ROBO2: variants seen among roughly 807,000 people sequenced by gnomAD.
ROBO2 encodes roundabout guidance receptor 2.
ROBO2 carries 53 observed loss-of-function variants against 160.8 expected under a neutral mutation model. That is an observed-to-expected ratio of 0.33 (90% confidence interval 0.26 to 0.41). The LOEUF (loss-of-function observed/expected upper bound fraction) is 0.41. ROBO2 is among the 10% of genes least tolerant of loss of function. The pLI, the probability that ROBO2 is intolerant of heterozygous loss-of-function variation, is 1.00. For synonymous variants in ROBO2, 664 were observed against 611.7 expected (o/e 1.09, Z -1.26); for missense variants, 1,577 against 1,722.4 (o/e 0.92, Z 1.49).
intron 2 of ROBO2, among the ~76,000 whole-genome samples, chr3:76,420,886 T>A (rs1454411034): frequency 2.6e-5 from 4 of 152,214 alleles, no homozygotes; most frequent in Non-Finnish European, 5.9e-5. Flanking sequence ...ATCCATGTGC[T>A]TAAATATATA....
chr3:75,934,231 A>T (rs1452137019), intron 1 of ROBO2, among the ~76,000 whole-genome samples: 1 of 152,172 alleles, frequency 6.6e-6, no homozygotes, highest in Non-Finnish European at 1.5e-5. Flanking sequence ...TGCATATCCA[A>T]TCTGTTTTAT....
At chr3:76,017,170 G>A (rs2066428038) in intron 2 of ROBO2, among the ~76,000 whole-genome samples, 1 of 152,066 alleles carries the variant, frequency 6.6e-6, no homozygotes, top group Non-Finnish European at 1.5e-5. Flanking sequence ...ACCTTCCATG[G>A]CAACAGGTGC....
intron 1 of ROBO2, among the ~76,000 whole-genome samples, chr3:75,925,496 G>C (rs1175575313): frequency 6.6e-6 from 1 of 152,116 alleles, no homozygotes; most frequent in Non-Finnish European, 1.5e-5. Flanking sequence ...TGCATGGAAG[G>C]TTGTGTTGAA....
chr3:77,462,277 C>G (rs913226571), intron 2 of ROBO2, among the ~76,000 whole-genome samples: 1 of 152,066 alleles, frequency 6.6e-6, no homozygotes, highest in African/African-American at 2.4e-5. Flanking sequence ...AGGTTGTCAT[C>G]GAATTCGTCT....
At chr3:77,070,407 T>C (rs879732088) in intron 1 of ROBO2, among the ~76,000 whole-genome samples, 6 of 152,012 alleles carry the variant, frequency 3.9e-5, no homozygotes, top group Non-Finnish European at 5.9e-5. Flanking sequence ...ACTGTGTGAG[T>C]GTGTGTGTGT....
rs1032808531 is a variant in ROBO2 at position 77,550,700 on chromosome 3, A to G, written c.1060-118A>G. 4.7e-6 allele frequency: 5 copies of G among 1,053,384 alleles called. No individual in the cohort carries two copies. The African/African-American group carries it at 8.0e-5, about 17-fold the overall frequency. The allele number at this position is 1,053,384 out of a possible 1,614,324, so 65.3% of individuals were successfully genotyped here. On this transcript the variant is annotated intron_variant, in intron 7 of 25. Transcript: ENST00000461745. ...GCATTTAAACATTTCTGAACCATAT[A>G]TATTTTAATCTGTGTATTTTCTTTT...
chr3:76,047,197 TAAA>T (rs1328811460), intron 2 of ROBO2, among the ~76,000 whole-genome samples: 3 of 152,192 alleles, frequency 2.0e-5, no homozygotes, highest in Admixed American at 6.5e-5. Flanking sequence ...TCCCCCCAGA[TAAA>T]TTTTATAAGC....
At chr3:76,970,386 C>T (rs1294773922) in intron 2 of ROBO2, among the ~76,000 whole-genome samples, 2 of 152,026 alleles carry the variant, frequency 1.3e-5, no homozygotes, top group African/African-American at 2.4e-5. Context: ...ATAATTTTAG[C>T]CAGAGTTCAC....
intron 2 of ROBO2, among the ~76,000 whole-genome samples, chr3:77,364,757 G>T (rs922301673): frequency 6.6e-6 from 1 of 152,156 alleles, no homozygotes; most frequent in African/African-American, 2.4e-5. Context: ...GCATGGTGTT[G>T]AGAGGAAAAC....
intron 2 of ROBO2, among the ~76,000 whole-genome samples, chr3:76,737,844 C>A (rs1289236122): frequency 1.2e-5 from 1 of 85,242 alleles, no homozygotes; most frequent in Non-Finnish European, 2.4e-5. Flanking sequence ...CCTGTGAGAA[C>A]AGTATTATTT....
intron 2 of ROBO2, among the ~76,000 whole-genome samples, chr3:76,987,350 G>A (rs946221103): frequency 1.3e-5 from 2 of 152,150 alleles, no homozygotes; most frequent in Non-Finnish European, 2.9e-5. Context: ...CTGCCGTGTA[G>A]TGGGGGGGAG....
At chr3:76,591,504 G>A (rs2086416102) in intron 2 of ROBO2, among the ~76,000 whole-genome samples, 2 of 152,012 alleles carry the variant, frequency 1.3e-5, no homozygotes, top group Admixed American at 1.3e-4. Context: ...AGAAGTTACT[G>A]AAAATAAAGA....
chr3:76,842,831 AATTCATTATTAT>A (rs2068418864), intron 2 of ROBO2, among the ~76,000 whole-genome samples: 1 of 152,114 alleles, frequency 6.6e-6, no homozygotes, highest in South Asian at 2.1e-4. Context: ...TACATTATGG[AATTCATTATTAT>A]ATTCATTTCA....
intron 2 of ROBO2, among the ~76,000 whole-genome samples, chr3:76,962,298 C>T (rs1279212697): frequency 6.6e-6 from 1 of 151,562 alleles, no homozygotes; most frequent in Non-Finnish European, 1.5e-5. Context: ...TCATACATTG[C>T]ACTCCAGCCT....
chr3:76,700,024 A>T (rs1050061008), intron 2 of ROBO2, among the ~76,000 whole-genome samples: 4 of 151,996 alleles, frequency 2.6e-5, no homozygotes, highest in African/African-American at 9.7e-5. Flanking sequence ...AGCAAAAAAA[A>T]CCCATGGGCC....
chr3:76,803,378 G>A (rs1052705686), intron 2 of ROBO2, among the ~76,000 whole-genome samples: 1 of 147,924 alleles, frequency 6.8e-6, no homozygotes, highest in Non-Finnish European at 1.5e-5. Context: ...AGGAGGAGGA[G>A]GATACAGAAA....
At chr3:75,939,901 TA>T (rs1195164713) in intron 2 of ROBO2, among the ~76,000 whole-genome samples, 1 of 152,138 alleles carries the variant, frequency 6.6e-6, no homozygotes, top group Non-Finnish European at 1.5e-5. Context: ...AATTTATAAA[TA>T]AGGTTTTCTC....
intron 21 of ROBO2, among the ~76,000 whole-genome samples, chr3:77,611,697 T>C (rs1583276124): frequency 6.6e-6 from 1 of 152,182 alleles, no homozygotes; most frequent in East Asian, 1.9e-4. Flanking sequence ...AAAATAAATA[T>C]CAAAATCAAA....
chr3:76,262,412 A>G (rs1172549084), intron 2 of ROBO2, among the ~76,000 whole-genome samples: 1 of 152,072 alleles, frequency 6.6e-6, no homozygotes, highest in African/African-American at 2.4e-5. Flanking sequence ...TTTTCAAAGG[A>G]CAGAGGTAAA....
Sources: gnomAD v4.1 joint callset for allele counts (sites outside exome capture counted in the v4.1 genomes callset) on GRCh38, gnomAD v4.1.1 for gene constraint, MANE v1.5 for transcripts, NCBI Gene and HGNC (gene_info 2026-07-23, HGNC 2026-07-21) for gene names.